DPP6: variants seen among roughly 807,000 people sequenced by gnomAD.
The protein encoded by DPP6 is dipeptidyl peptidase like 6, also known as A-type potassium channel modulatory protein DPP6.
In DPP6, 69 loss-of-function variants were observed where a neutral mutation model predicts 122.6. The observed-to-expected ratio is 0.56, with a 90% CI of 0.46 to 0.69. DPP6 has a LOEUF of 0.69. Ranked by LOEUF, DPP6 falls within the 30% of genes least tolerant of loss-of-function variation. The probability of loss-of-function intolerance (pLI) is 0.00; values close to 1 mark genes in which losing one functional copy is unlikely to be tolerated. For missense variants in DPP6, 928 were observed against 1,116.9 expected (o/e 0.83, Z 2.41); for synonymous variants, 418 against 433.1 (o/e 0.97, Z 0.43).
intron 1 of DPP6, among the ~76,000 whole-genome samples, chr7:154,205,787 A>C (rs973706567): frequency 4.1e-5 from 6 of 144,820 alleles, no homozygotes; most frequent in African/African-American, 1.6e-4. Flanking sequence ...AAAAAAAATT[A>C]ATTAATTAAT....
intron 7 of DPP6, among the ~76,000 whole-genome samples, chr7:154,708,511 A>G (rs1210677107): frequency 6.6e-6 from 1 of 152,094 alleles, no homozygotes; most frequent in Non-Finnish European, 1.5e-5. Flanking sequence ...CAGTTCTTTG[A>G]TCGATCTGTT....
At position 154,618,015 on chromosome 7, in the gene DPP6, T is replaced by C. The variant is rs886432947; in HGVS notation, c.628-19806T>C. 3.3e-5 allele frequency among the ~76,000 whole-genome samples: 5 copies of C among 152,168 alleles called. No homozygotes were observed. The highest frequency in any genetic ancestry group is 1.2e-4 in the African/African-American group (5 of 41,436). The stretch of plus-strand genomic sequence containing the variant: ...CTGCAGACCCGGGACTCAAACGATG[T>C]GCAAAGGCCTCAGTTTCTCTCTTGG... On this transcript the variant is annotated intron_variant, in intron 5 of 25. Transcript: ENST00000377770. This position sits in a 1 kb window ranked among gnomAD's most constrained non-coding sequence, Gnocchi z 4.1.
intron 4 of DPP6, among the ~76,000 whole-genome samples, chr7:154,558,901 C>T (rs1433234640): frequency 6.6e-6 from 1 of 152,042 alleles, no homozygotes; most frequent in Non-Finnish European, 1.5e-5. Flanking sequence ...TAATTAATTG[C>T]CTGTCATAAA....
At chr7:153,755,722 C>T in the DPP6 span, among the ~76,000 whole-genome samples, 1 of 152,052 alleles carries the variant, frequency 6.6e-6, no homozygotes, top group Admixed American at 6.6e-5. Context: ...TAAAGAATTT[C>T]CCTCCTGGAT....
chr7:154,798,235 G>A (rs1798159164), intron 12 of DPP6, among the ~76,000 whole-genome samples: 1 of 152,218 alleles, frequency 6.6e-6, no homozygotes, highest in Non-Finnish European at 1.5e-5. Flanking sequence ...GGGGGCCGTG[G>A]TTCTGTCCTC....
chr7:154,807,679 G>C (rs1178415319), intron 16 of DPP6, among the ~76,000 whole-genome samples: 2 of 151,914 alleles, frequency 1.3e-5, no homozygotes, highest in African/African-American at 2.4e-5. Context: ...AAAATTAGCC[G>C]GGCCTGGTGG....
chr7:154,197,589 C>T (rs1044562806), intron 1 of DPP6, among the ~76,000 whole-genome samples: 1 of 152,158 alleles, frequency 6.6e-6, no homozygotes, highest in Non-Finnish European at 1.5e-5. Context: ...TTCATCTGTT[C>T]TCCACTTTCC....
intron 5 of DPP6, among the ~76,000 whole-genome samples, chr7:154,598,839 T>C (rs557052598): frequency 6.6e-6 from 1 of 152,196 alleles, no homozygotes; most frequent in Non-Finnish European, 1.5e-5. Context: ...CTTTATGTCA[T>C]TGTTTGTTTT....
chr7:154,861,221 G>A (rs988402851), intron 17 of DPP6, among the ~76,000 whole-genome samples: 2 of 152,152 alleles, frequency 1.3e-5, no homozygotes, highest in African/African-American at 4.8e-5. Context: ...CTGTCCTCAA[G>A]TAGTTTTTGC....
intron 7 of DPP6, among the ~76,000 whole-genome samples, chr7:154,711,939 TAC>T (rs57187871): frequency 1.6e-5 from 1 of 63,834 alleles, no homozygotes; most frequent in African/African-American, 4.1e-5. Flanking sequence ...TGTCACTTAA[TAC>T]ACACACACAC....
At chr7:153,911,569 C>T (rs1281218881) in intron 1 of DPP6, among the ~76,000 whole-genome samples, 1 of 152,178 alleles carries the variant, frequency 6.6e-6, no homozygotes, top group African/African-American at 2.4e-5. Context: ...GCTCCCCACT[C>T]CCTTCCTCTC....
intron 7 of DPP6, among the ~76,000 whole-genome samples, chr7:154,695,617 G>A (rs1840172159): frequency 6.6e-6 from 1 of 152,184 alleles, no homozygotes; most frequent in Non-Finnish European, 1.5e-5. Flanking sequence ...GGTTCTGGAA[G>A]GCTTCCTCCA....
intron 1 of DPP6, among the ~76,000 whole-genome samples, chr7:154,178,283 GA>G (rs1259920522): frequency 6.6e-6 from 1 of 151,984 alleles, no homozygotes; most frequent in African/African-American, 2.4e-5. Flanking sequence ...AGGAAGCAAA[GA>G]AGTCACTGTT....
chr7:153,950,642 T>C (rs568553951), intron 1 of DPP6, among the ~76,000 whole-genome samples: 1 of 152,242 alleles, frequency 6.6e-6, no homozygotes, highest in East Asian at 1.9e-4. Context: ...TGGACTCAGA[T>C]GGACTGTAGC....
rs558821496 is a variant in DPP6 at position 154,751,721 on chromosome 7, C to T, written c.884-17696C>T. 2.5e-3 allele frequency among the ~76,000 whole-genome samples: 388 copies of T among 152,242 alleles called. 1 individual carries two copies. Among genetic ancestry groups the T allele is most frequent in the Non-Finnish European group, 4.2e-3 (289 of 68,020 alleles). ...TAGGACAGACACATGTCCAGAACAT[C>T]GACGCGGGCCCATGTGCTTCCCTAG... On this transcript the variant is annotated intron_variant, in intron 8 of 25. Transcript: ENST00000377770.
At chr7:154,492,846 A>G (rs775714115) in intron 3 of DPP6, among the ~76,000 whole-genome samples, 16 of 152,200 alleles carry the variant, frequency 1.1e-4, no homozygotes, top group Non-Finnish European at 1.5e-4. Context: ...TTTCCTCAAC[A>G]TATGAGGATT....
the DPP6 span, among the ~76,000 whole-genome samples, chr7:153,748,628 C>G: frequency 9.9e-6 from 1 of 101,500 alleles, no homozygotes; most frequent in Admixed American, 1.2e-4. Context: ...TGGGTTTGCT[C>G]CCGCTTCTGG....
At chr7:154,302,064 T>G (rs1383172008) in intron 1 of DPP6, among the ~76,000 whole-genome samples, 1 of 152,130 alleles carries the variant, frequency 6.6e-6, no homozygotes, top group Non-Finnish European at 1.5e-5. Context: ...TGATCTACCC[T>G]CTTAACGGAT....
Position 154,804,926 on chromosome 7 carries a change from G to A in DPP6, c.1509G>A (p.Leu503=), listed in dbSNP as rs372419237. The part of the protein sequence containing the change: ...YDEKGNKIYF[L]STEDLPRRRQ... ...TTGGTGATCTTTGCAGCTACTTCCT[G>A]AGCACGGAGGACCTGCCTCGGAGAC... The change falls in exon 15 of 26, where the codon CTG becomes CTA. Residue 503 remains leucine (L), a synonymous_variant. Coordinates refer to ENST00000377770, the MANE Select transcript of DPP6 (RefSeq NM_130797.4). 1.1e-5 allele frequency: 17 copies of A among 1,602,256 alleles called. No individual in the cohort carries two copies. The African/African-American group carries it at 2.1e-4, about 20-fold the overall frequency.
Sources: allele counts gnomAD v4.1 joint callset (sites outside exome capture counted in the v4.1 genomes callset), GRCh38; gene constraint gnomAD v4.1.1; non-coding constraint Gnocchi (gnomAD v3.1); transcripts MANE v1.5; gene names NCBI Gene and HGNC (gene_info 2026-07-23, HGNC 2026-07-21).